Variants in RPS6KC1 observed in about 807,000 individuals in gnomAD.
RPS6KC1 encodes ribosomal protein S6 kinase C1, also known as inactive ribosomal protein S6 kinase delta-1.
In RPS6KC1, 54 loss-of-function variants were observed where a neutral mutation model predicts 103.8. That is an observed-to-expected ratio of 0.52 (90% confidence interval 0.42 to 0.65). RPS6KC1 has a LOEUF of 0.65. RPS6KC1 is among the 30% of genes least tolerant of loss of function. RPS6KC1 has a pLI of 0.00. For missense variants in RPS6KC1, 1,151 were observed against 1,253.8 expected (o/e 0.92, Z 1.24); for synonymous variants, 439 against 438.7 (o/e 1.00, Z -0.01).
chr1:213,377,251 G>A, the RPS6KC1 span, among the ~76,000 whole-genome samples: 2 of 152,206 alleles, frequency 1.3e-5, no homozygotes, highest in African/African-American at 2.4e-5. Flanking sequence ...GCTGCAGGGA[G>A]TTTAGACTTT....
chr1:213,602,024 CTTTCTCTTTCT>C, the RPS6KC1 span, among the ~76,000 whole-genome samples: 10 of 23,976 alleles, frequency 4.2e-4, 2 homozygotes, highest in East Asian at 5.6e-3. Flanking sequence ...TTCTTTCTTT[CTTTCTCTTTCT>C]CTTTCTTTCT....
the RPS6KC1 span, among the ~76,000 whole-genome samples, chr1:213,569,327 G>A: frequency 7.6e-4 from 116 of 152,204 alleles, no homozygotes; most frequent in African/African-American, 2.4e-3. Flanking sequence ...CTGTTGCATT[G>A]TAAATGTTGT....
At chr1:213,795,820 T>C in the RPS6KC1 span, among the ~76,000 whole-genome samples, 1 of 152,168 alleles carries the variant, frequency 6.6e-6, no homozygotes, top group Non-Finnish European at 1.5e-5. Flanking sequence ...TCTGCCCCGC[T>C]GGTTTCGTCT....
At chr1:213,374,373 A>G in the RPS6KC1 span, among the ~76,000 whole-genome samples, 1 of 152,214 alleles carries the variant, frequency 6.6e-6, no homozygotes, top group Non-Finnish European at 1.5e-5. Flanking sequence ...AACATACAAT[A>G]CTTTTCTCTT....
At chr1:213,829,875 G>C in the RPS6KC1 span, among the ~76,000 whole-genome samples, 1 of 152,142 alleles carries the variant, frequency 6.6e-6, no homozygotes, top group South Asian at 2.1e-4. Context: ...ATTGTAACTA[G>C]AGCATTAATA....
chr1:213,495,430 T>A, the RPS6KC1 span, among the ~76,000 whole-genome samples: 1 of 152,100 alleles, frequency 6.6e-6, no homozygotes, highest in Non-Finnish European at 1.5e-5. Context: ...CAAGCGATTC[T>A]CCTGCCTCAG....
chr1:213,550,711 C>G, the RPS6KC1 span, among the ~76,000 whole-genome samples: 26 of 152,162 alleles, frequency 1.7e-4, no homozygotes, highest in Admixed American at 1.7e-3. Flanking sequence ...AGGCATCTAT[C>G]TCTGTAAATC....
intron 4 of RPS6KC1, among the ~76,000 whole-genome samples, 165 bp from the exon 5 acceptor site, chr1:213,117,152 G>T (rs1283820897): frequency 6.6e-6 from 1 of 152,042 alleles, no homozygotes; most frequent in East Asian, 1.9e-4. Context: ...CAGTCGATGA[G>T]ATATACCTAT....
At chr1:213,648,748 C>A in the RPS6KC1 span, among the ~76,000 whole-genome samples, 1 of 152,116 alleles carries the variant, frequency 6.6e-6, no homozygotes, top group Admixed American at 6.5e-5. Flanking sequence ...ACTTCTCTTG[C>A]CAGCCATATG....
At chr1:213,250,060 G>A (rs1373396158) in intron 12 of RPS6KC1, among the ~76,000 whole-genome samples, 1 of 152,154 alleles carries the variant, frequency 6.6e-6, no homozygotes, top group East Asian at 1.9e-4. Flanking sequence ...CTGCACTCAC[G>A]TCCAGTTCCC....
the RPS6KC1 span, among the ~76,000 whole-genome samples, chr1:213,544,151 TC>T: frequency 6.6e-6 from 1 of 151,884 alleles, no homozygotes; most frequent in Non-Finnish European, 1.5e-5. Context: ...TAAAAACATA[TC>T]ACATAAGGTT....
At chr1:213,350,216 C>T in the RPS6KC1 span, among the ~76,000 whole-genome samples, 24 of 152,128 alleles carry the variant, frequency 1.6e-4, no homozygotes, top group African/African-American at 4.8e-4. Flanking sequence ...TAAAGCCCTG[C>T]GTCTCTCAGG....
chr1:213,212,414 A>G (rs2093534661), intron 8 of RPS6KC1, among the ~76,000 whole-genome samples: 1 of 152,092 alleles, frequency 6.6e-6, no homozygotes, highest in Non-Finnish European at 1.5e-5. Flanking sequence ...ATGGCTTGAC[A>G]GCTCATTTAT....
intron 3 of RPS6KC1, among the ~76,000 whole-genome samples, chr1:213,078,086 T>C (rs2079512906): frequency 6.6e-6 from 1 of 152,114 alleles, no homozygotes; most frequent in African/African-American, 2.4e-5. Flanking sequence ...AAAGGTGATA[T>C]TCAGTTATTC....
At chr1:213,328,504 C>CCA in the RPS6KC1 span, among the ~76,000 whole-genome samples, 1 of 101,446 alleles carries the variant, frequency 9.9e-6, no homozygotes, top group Non-Finnish European at 2.1e-5. Flanking sequence ...AGCCATTATA[C>CCA]TATATATATA....
the RPS6KC1 span, among the ~76,000 whole-genome samples, chr1:213,714,566 C>A: frequency 6.6e-6 from 1 of 152,240 alleles, no homozygotes; most frequent in Non-Finnish European, 1.5e-5. Context: ...GGCTGGCGTG[C>A]AGGGCATCAC....
At chr1:213,219,203 T>C (rs551811678) in intron 8 of RPS6KC1, among the ~76,000 whole-genome samples, 5 of 152,152 alleles carry the variant, frequency 3.3e-5, no homozygotes, top group African/African-American at 9.7e-5. Flanking sequence ...GTGAAGGATA[T>C]GAACAGACAC....
chr1:213,100,902 G>C (rs2081967413), intron 3 of RPS6KC1, among the ~76,000 whole-genome samples: 1 of 152,068 alleles, frequency 6.6e-6, no homozygotes, highest in Non-Finnish European at 1.5e-5. Context: ...ACATGAGAGT[G>C]TAGGTGTCTT....
At chr1:213,633,070 G>T in the RPS6KC1 span, among the ~76,000 whole-genome samples, 1 of 152,178 alleles carries the variant, frequency 6.6e-6, no homozygotes, top group Non-Finnish European at 1.5e-5. Context: ...ATCTACGTTT[G>T]ATTGGTGTAC....
Sources: gnomAD v4.1 joint callset for allele counts (sites outside exome capture counted in the v4.1 genomes callset) on GRCh38, gnomAD v4.1.1 for gene constraint, MANE v1.5 for transcripts, NCBI Gene and HGNC (gene_info 2026-07-23, HGNC 2026-07-21) for gene names.